SECISBP2L: variants seen among roughly 807,000 people sequenced by gnomAD.
SECISBP2L encodes the protein selenocysteine insertion sequence-binding protein 2-like.
Under a neutral mutation model 114.7 loss-of-function variants are expected in SECISBP2L, and 43 were observed. The ratio of observed to expected loss-of-function variants is 0.38; its 90% CI spans 0.29 to 0.48. The LOEUF is 0.48. SECISBP2L is among the 20% of genes least tolerant of loss of function. The pLI, the probability that SECISBP2L is intolerant of heterozygous loss-of-function variation, is 0.98. For missense variants in SECISBP2L, 1,136 were observed against 1,301.1 expected (o/e 0.87, Z 1.95); for synonymous variants, 451 against 439.7 (o/e 1.03, Z -0.32).
chr15:48,996,305 A>C (rs2141059374), intron 17 of SECISBP2L, 62 bp downstream of exon 17: 1 of 1,423,458 alleles, frequency 7.0e-7, no homozygotes, highest in Non-Finnish European at 9.7e-7. Flanking sequence ...AAAAGGTAGA[A>C]TAGAAAGTCA....
chr15:49,037,272 C>CAAAAAA (rs147547008), intron 2 of SECISBP2L: 5 of 76,004 alleles, frequency 6.6e-5, no homozygotes, highest in African/African-American at 1.9e-4. Flanking sequence ...TGTTCAATCT[C>CAAAAAA]AAAAAAAAAA....
chr15:49,027,206 T>C (rs557185309), intron 7 of SECISBP2L, among the ~76,000 whole-genome samples, 159 bp downstream of exon 7: 20 of 152,344 alleles, frequency 1.3e-4, no homozygotes, highest in East Asian at 3.9e-4. Context: ...TTTTGTTTCA[T>C]TATTTAAGTA....
At chr15:49,042,436 T>G (rs1903160295) in intron 1 of SECISBP2L, 1 of 152,196 alleles carries the variant, frequency 6.6e-6, no homozygotes, top group South Asian at 2.1e-4. Flanking sequence ...TCTACATGCT[T>G]CATTTCTGAC....
At chr15:49,036,244 A>G (rs1315133052) in intron 2 of SECISBP2L, among the ~76,000 whole-genome samples, 1 of 152,144 alleles carries the variant, frequency 6.6e-6, no homozygotes, top group East Asian at 1.9e-4. Context: ...GAAGAGGCAA[A>G]TCTGTCCACT....
intron 14 of SECISBP2L, 80 bp from the exon 15 acceptor site, chr15:49,001,177 C>T (rs1020848807): frequency 1.2e-5 from 10 of 867,362 alleles, no homozygotes; most frequent in Non-Finnish European, 1.4e-5. Flanking sequence ...GAAAATATCT[C>T]TAAGAGAAAA....
At chr15:49,046,137 AGCTGCCAGGCTCCC>A in intron 1 of SECISBP2L, 125 bp downstream of exon 1, 1 of 920,664 alleles carries the variant, frequency 1.1e-6, no homozygotes, top group East Asian at 3.0e-5. Flanking sequence ...GAGAGCTGGG[AGCTGCCAGGCTCCC>A]AGGTGAGGGG....
chr15:48,999,966 T>C lies in SECISBP2L; in HGVS notation c.2270A>G (p.Tyr757Cys), dbSNP rs754910540. ...QSKGGLDEAL[Y>C]NVIAMAREQE... Reference sequence around the variant, plus strand: ...TTCCCGTGCCATGGCTATAACATTATAGAGAGCCTCATCCAGACCACCTGA... The same window carrying C: ...TTCCCGTGCCATGGCTATAACATTACAGAGAGCCTCATCCAGACCACCTGA... The change falls in exon 16 of 18, where the codon TAT becomes TGT. Residue 757 changes from tyrosine (Y) to cysteine (C), a missense_variant. By Grantham distance (194) the Tyr-to-Cys change is radical. Transcript: ENST00000559471. 6 of 1,613,918 alleles carry C rather than the reference T, an allele frequency of 3.7e-6. No individual in the cohort carries two copies. Among genetic ancestry groups the C allele is most frequent in the Non-Finnish European group, 4.2e-6 (5 of 1,179,870 alleles).
intron 4 of SECISBP2L, among the ~76,000 whole-genome samples, chr15:49,031,037 C>CTTTTTTTT (rs373799142): frequency 8.4e-5 from 7 of 83,196 alleles, no homozygotes; most frequent in Non-Finnish European, 1.1e-4. Context: ...TTATCATTTT[C>CTTTTTTTT]TTTTTTTTTT....
intron 1 of SECISBP2L, among the ~76,000 whole-genome samples, chr15:49,044,361 C>T (rs138974904): frequency 7.2e-5 from 11 of 152,254 alleles, no homozygotes; most frequent in African/African-American, 2.4e-4. Flanking sequence ...TCCCAATCTA[C>T]TATTAAGTTA....
Position 49,032,959 on chromosome 15 carries a change from C to T in SECISBP2L, c.664+6G>A, listed in dbSNP as rs940095636. ...AGTGACGCACATGTAAGAACCCTTGCCTTACCAGTTTGCTGTGAAGCATCT... is the reference window on the plus strand; with the variant it reads ...AGTGACGCACATGTAAGAACCCTTGTCTTACCAGTTTGCTGTGAAGCATCT... On this transcript the variant is annotated splice_donor_region_variant and intron_variant, in intron 4 of 17. Transcript: ENST00000559471. 6.2e-6 allele frequency: 10 copies of T among 1,613,042 alleles called. No homozygotes were observed. The African/African-American group carries it at 6.7e-5, about 11-fold the overall frequency.
rs1902440243 is a variant in SECISBP2L, at chr15:49,011,738, G to A, written c.1857C>T (p.Ser619=). 7 of 1,613,862 alleles carry A rather than the reference G, an allele frequency of 4.3e-6. No individual in the cohort carries two copies. In the East Asian group the frequency reaches 1.6e-4, roughly 36 times the overall value. ...AAAGGGGGAGCTCCTTACCTTCCTG[G>A]GAAACAATCTCCTGTGGCAAGTCAT... The part of the protein sequence containing the change: ...FIDDLPQEIV[S]QEDTGLSMPS... The change falls in exon 13 of 18, where the codon TCC becomes TCT. Residue 619 remains serine (S), a synonymous_variant. Coordinates refer to ENST00000559471, the MANE Select transcript of SECISBP2L (RefSeq NM_001193489.2).
intron 3 of SECISBP2L, among the ~76,000 whole-genome samples, chr15:49,034,678 T>C (rs930336127): frequency 1.3e-5 from 2 of 150,300 alleles, no homozygotes; most frequent in Non-Finnish European, 3.0e-5. Flanking sequence ...TGTTTTTTTT[T>C]TTTTGAGACA....
chr15:48,997,916 A>G (rs1902127835), intron 16 of SECISBP2L, among the ~76,000 whole-genome samples: 1 of 152,158 alleles, frequency 6.6e-6, no homozygotes, highest in Non-Finnish European at 1.5e-5. Flanking sequence ...TTAAAGTTGC[A>G]CTTCAATAAC....
At chr15:49,008,397 C>A (rs1283625062) in intron 14 of SECISBP2L, among the ~76,000 whole-genome samples, 1 of 152,172 alleles carries the variant, frequency 6.6e-6, no homozygotes. Context: ...TAGAACATCC[C>A]AAAATGCAAT....
rs1902539933 is a variant in SECISBP2L at position 49,016,520 on chromosome 15, G to A, written c.1561+40C>T. 4 of 1,565,638 alleles carry A rather than the reference G, an allele frequency of 2.6e-6. No homozygotes were observed. In the East Asian group the frequency reaches 6.8e-5, roughly 27 times the overall value. On this transcript the variant is annotated intron_variant, in intron 11 of 17. Coordinates refer to ENST00000559471, the MANE Select transcript of SECISBP2L (RefSeq NM_001193489.2). Reference sequence around the variant, plus strand: ...GATTAACAACATCTAACATATATTAGCAGAGACAAACAGCAAATTGCTCAG... The same window carrying A: ...GATTAACAACATCTAACATATATTAACAGAGACAAACAGCAAATTGCTCAG...
At chr15:49,028,915 G>C (rs1902823495) in intron 4 of SECISBP2L, among the ~76,000 whole-genome samples, 1 of 152,168 alleles carries the variant, frequency 6.6e-6, no homozygotes, top group Non-Finnish European at 1.5e-5. Context: ...CTGGAGGGCA[G>C]TGGCGCAATC....
chr15:49,008,354 A>G (rs1902365902), intron 14 of SECISBP2L, among the ~76,000 whole-genome samples: 1 of 152,236 alleles, frequency 6.6e-6, no homozygotes, highest in African/African-American at 2.4e-5. Flanking sequence ...TTAACTGTCA[A>G]AGTGTGCCAA....
At chr15:49,023,100 A>G (rs1484091744) in intron 7 of SECISBP2L, among the ~76,000 whole-genome samples, 1 of 152,124 alleles carries the variant, frequency 6.6e-6, no homozygotes, top group African/African-American at 2.4e-5. Context: ...TAAACTGTGC[A>G]TGGCAATAAT....
At chr15:49,007,630 T>C (rs1160892219) in intron 14 of SECISBP2L, among the ~76,000 whole-genome samples, 1 of 152,212 alleles carries the variant, frequency 6.6e-6, no homozygotes, top group Admixed American at 6.5e-5. Flanking sequence ...CCTAAGGATA[T>C]AAACCAAATG....
Sources: allele counts gnomAD v4.1 joint callset (sites outside exome capture counted in the v4.1 genomes callset), GRCh38; gene constraint gnomAD v4.1.1; transcripts MANE v1.5; gene names NCBI Gene and HGNC (gene_info 2026-07-23, HGNC 2026-07-21).